The following NEXMIF variants were observed in gnomAD, a reference collection of about 807,000 sequenced individuals.
NEXMIF encodes neurite extension and migration factor.
Under a neutral mutation model 62.1 loss-of-function variants are expected in NEXMIF, and 8 were observed. The observed-to-expected ratio is 0.13, with a 90% confidence interval of 0.08 to 0.23. The LOEUF (loss-of-function observed/expected upper bound fraction) is 0.23, where lower values mean the gene tolerates loss of function less well. Ranked by LOEUF, NEXMIF falls within the 10% of genes least tolerant of loss-of-function variation. NEXMIF has a pLI of 1.00. For synonymous variants in NEXMIF, 404 were observed against 416.6 expected, an observed-to-expected ratio of 0.97 and a Z score of 0.37; for missense variants, 976 against 1,113.3, an observed-to-expected ratio of 0.88 and a Z score of 1.75.
chrX:74,883,791 G>T (rs1280026170), intron 1 of NEXMIF, among the ~76,000 whole-genome samples: 1 of 111,353 alleles, frequency 9.0e-6, no homozygotes, highest in Non-Finnish European at 1.9e-5. Context: ...AGGAAATACA[G>T]AGAACGCCAC....
intron 1 of NEXMIF, among the ~76,000 whole-genome samples, chrX:74,763,325 T>A (rs772891732): frequency 1.8e-5 from 2 of 111,963 alleles, no homozygotes; most frequent in Admixed American, 1.9e-4. Context: ...CATTGGTCTA[T>A]ATCTCTGTTT....
chrX:74,798,744 T>C (rs1029836992), intron 1 of NEXMIF, among the ~76,000 whole-genome samples: 1 of 111,304 alleles, frequency 9.0e-6, no homozygotes, highest in African/African-American at 3.3e-5. Flanking sequence ...CATATCCCTA[T>C]TGATGCTAAC....
intron 1 of NEXMIF, among the ~76,000 whole-genome samples, chrX:74,810,076 C>A (rs1251811488): frequency 8.9e-6 from 1 of 112,074 alleles, no homozygotes; most frequent in East Asian, 2.8e-4. Flanking sequence ...CACGTGTTTT[C>A]TTCTCTAGAC....
chrX:74,885,352 C>A (rs1247775783), intron 1 of NEXMIF, among the ~76,000 whole-genome samples: 1 of 111,169 alleles, frequency 9.0e-6, no homozygotes, highest in African/African-American at 3.3e-5. Context: ...ATCAGTGAAC[C>A]CTGGAGCTGG....
intron 1 of NEXMIF, among the ~76,000 whole-genome samples, chrX:74,779,068 T>G (rs928131832): frequency 8.9e-6 from 1 of 112,749 alleles, no homozygotes; most frequent in Non-Finnish European, 1.9e-5. Flanking sequence ...ACATTCTTGC[T>G]GCTGCAAATA....
At chrX:74,863,389 A>G (rs2080565285) in intron 1 of NEXMIF, among the ~76,000 whole-genome samples, 1 of 111,443 alleles carries the variant, frequency 9.0e-6, no homozygotes, top group Admixed American at 9.6e-5. Context: ...CTCTAGCTAG[A>G]CTAATGAGAG....
chrX:74,891,214 T>C (rs181097268), intron 1 of NEXMIF, among the ~76,000 whole-genome samples: 96 of 111,462 alleles, frequency 8.6e-4, no homozygotes, highest in Non-Finnish European at 1.1e-3. Flanking sequence ...CACATACATA[T>C]GCACACATAC....
intron 1 of NEXMIF, among the ~76,000 whole-genome samples, chrX:74,904,276 C>T (rs1156642893): frequency 2.7e-5 from 3 of 111,517 alleles, no homozygotes; most frequent in African/African-American, 9.8e-5. Context: ...GAAATGTCTA[C>T]CTAGATCTTA....
chrX:74,787,541 C>T (rs1332850121), intron 1 of NEXMIF, among the ~76,000 whole-genome samples: 2 of 111,856 alleles, frequency 1.8e-5, no homozygotes, highest in African/African-American at 6.5e-5. Context: ...CAAACCATTG[C>T]ATGTGTCACA....
intron 1 of NEXMIF, among the ~76,000 whole-genome samples, chrX:74,758,101 T>C (rs1440145995): frequency 1.8e-5 from 2 of 111,842 alleles, no homozygotes; most frequent in African/African-American, 6.5e-5. Context: ...AGGCACTTCA[T>C]ATGCCAGACA....
rs138519758 is a variant in NEXMIF, at chrX:74,862,103, G to A, written c.-48+62780C>T. Among the ~76,000 whole-genome samples the A allele has an allele frequency of 1.0e-3, 114 of 111,348 alleles. 1 individual carries two copies. The East Asian group carries it at 0.031, about 30-fold the overall frequency. On this transcript the variant is annotated intron_variant, in intron 1 of 3. Coordinates refer to ENST00000055682, the MANE Select transcript of NEXMIF (RefSeq NM_001008537.3). ...GCTGTATTCAAGAGACCCATCTCAC[G>A]TGCAAAGACACACATAGGCTCAAAA...
intron 1 of NEXMIF, among the ~76,000 whole-genome samples, chrX:74,760,790 T>C (rs1183838820): frequency 9.0e-6 from 1 of 110,928 alleles, no homozygotes; most frequent in Non-Finnish European, 1.9e-5. Flanking sequence ...AGTTTGCAAG[T>C]ATTGTGTTGA....
intron 1 of NEXMIF, among the ~76,000 whole-genome samples, chrX:74,754,652 T>C (rs1444946338): frequency 9.0e-6 from 1 of 111,358 alleles, no homozygotes; most frequent in Non-Finnish European, 1.9e-5. Flanking sequence ...CAAGTGATCA[T>C]AGTTTTCTTT....
chrX:74,882,564 G>A (rs1602264326), intron 1 of NEXMIF, among the ~76,000 whole-genome samples: 1 of 111,488 alleles, frequency 9.0e-6, no homozygotes, highest in Non-Finnish European at 1.9e-5. Context: ...ACAGCAGTCT[G>A]AGATCAAACT....
intron 1 of NEXMIF, among the ~76,000 whole-genome samples, chrX:74,903,878 A>C (rs1326437931): frequency 1.4e-5 from 1 of 69,027 alleles, no homozygotes; most frequent in Non-Finnish European, 2.6e-5. Context: ...AACAATTCTA[A>C]TCGTGTGTGT....
chrX:74,786,867 A>G (rs1178373853), intron 1 of NEXMIF, among the ~76,000 whole-genome samples: 4 of 109,932 alleles, frequency 3.6e-5, no homozygotes, highest in East Asian at 5.9e-4. Flanking sequence ...GCGTGTGTGC[A>G]CACACACACA....
intron 1 of NEXMIF, among the ~76,000 whole-genome samples, chrX:74,762,415 A>G (rs942097522): frequency 1.8e-5 from 2 of 111,574 alleles, no homozygotes; most frequent in Admixed American, 1.9e-4. Context: ...ATAGTGCCAC[A>G]ATAAACATAT....
rs1369413392 is a variant in NEXMIF at position 74,742,317 on chromosome X, C to T, written c.2240G>A (p.Ser747Asn). 5.0e-6 allele frequency: 6 copies of T among 1,211,305 alleles called. No homozygotes were observed. The highest frequency in any genetic ancestry group is 3.5e-5 in the South Asian group (2 of 56,983). ...TGAGGATTGGTTTTCCAAGAGAGGG[C>T]TCATTTGAACAATTGGCTTGCTTTC... ...GQESKPIVQM[S>N]PLLENQSSKA... The change falls in exon 3 of 4, where the codon AGC (serine) becomes AAC (asparagine). Residue 747 changes from serine to asparagine, a missense_variant. Ser to Asn is a conservative substitution (Grantham distance 46). Transcript: ENST00000055682.
Position 74,756,208 on chromosome X carries a change from G to A in NEXMIF, c.-47-10511C>T, listed in dbSNP as rs925093365. The stretch of plus-strand genomic sequence containing the variant: ...CAACTCCTGATCTCGTGATCCGCCC[G>A]CCTCGGCCTCCCGTAGTGCTGGGAT... On this transcript the variant is annotated intron_variant, in intron 1 of 3. Coordinates refer to ENST00000055682, the MANE Select transcript of NEXMIF (RefSeq NM_001008537.3). Among the ~76,000 whole-genome samples, 13 of 111,605 alleles carry A rather than the reference G, an allele frequency of 1.2e-4. 1 individual carries two copies. The highest frequency in any genetic ancestry group is 3.8e-4 in the South Asian group (1 of 2,661).
Sources: allele counts gnomAD v4.1 joint callset (sites outside exome capture counted in the v4.1 genomes callset), GRCh38; gene constraint gnomAD v4.1.1; transcripts MANE v1.5; gene names NCBI Gene and HGNC (gene_info 2026-07-23, HGNC 2026-07-21).